CFAP20DC: variants seen among roughly 807,000 people sequenced by gnomAD.
CFAP20DC encodes the protein CFAP20 domain containing, also known as protein CFAP20DC.
CFAP20DC carries 84 observed loss-of-function variants against 101.7 expected under a neutral mutation model. The ratio of observed to expected loss-of-function variants is 0.83; its 90% CI spans 0.69 to 0.99. The LOEUF is 0.99. CFAP20DC is among the 50% of genes least tolerant of loss of function. The pLI is 0.00. For synonymous variants in CFAP20DC, 359 were observed against 351.2 expected (o/e 1.02, Z -0.25); for missense variants, 1,007 against 970.3 (o/e 1.04, Z -0.50).
At chr3:58,948,543 T>C (rs76227620) in intron 4 of CFAP20DC, among the ~76,000 whole-genome samples, 1,556 of 152,300 alleles carry the variant, frequency 0.01, 29 homozygotes, top group African/African-American at 0.035. Flanking sequence ...TGTAGTCCCA[T>C]ATATTCCAGT....
chr3:58,785,771 A>G (rs1048829775), intron 15 of CFAP20DC, among the ~76,000 whole-genome samples: 1 of 152,068 alleles, frequency 6.6e-6, no homozygotes, highest in African/African-American at 2.4e-5. Flanking sequence ...TTTCGAGCCA[A>G]AGGCAATTAA....
chr3:59,040,716 T>C (rs1326023996), intron 3 of CFAP20DC, among the ~76,000 whole-genome samples: 5 of 152,102 alleles, frequency 3.3e-5, no homozygotes, highest in Admixed American at 1.3e-4. Context: ...AAAGAACTTC[T>C]GGTATATGAT....
At chr3:58,857,725 A>G (rs1485925164) in intron 12 of CFAP20DC, among the ~76,000 whole-genome samples, 1 of 152,164 alleles carries the variant, frequency 6.6e-6, no homozygotes, top group Non-Finnish European at 1.5e-5. Flanking sequence ...ACTATATTTG[A>G]GTAGTGTTCT....
chr3:58,807,131 C>A (rs1188524822), intron 14 of CFAP20DC, among the ~76,000 whole-genome samples: 1 of 152,228 alleles, frequency 6.6e-6, no homozygotes, highest in African/African-American at 2.4e-5. Flanking sequence ...GGCTCCACCT[C>A]TGGGGGCGGG....
At chr3:58,760,643 C>T (rs1311985470) in intron 15 of CFAP20DC, among the ~76,000 whole-genome samples, 9 of 152,250 alleles carry the variant, frequency 5.9e-5, no homozygotes, top group Middle Eastern at 6.8e-3. Context: ...CCAGTTTTTG[C>T]CCATTCAGTA....
Position 58,904,427 on chromosome 3 carries a change from G to C in CFAP20DC, c.550+9281C>G, listed in dbSNP as rs536856309. ...CTGCTGGGCACCTCTGTTATACTAA[G>C]ACCATACCCCCTATCTTGTCCTGAG... On this transcript the variant is annotated intron_variant, in intron 6 of 16. Coordinates refer to ENST00000482387, the MANE Select transcript of CFAP20DC (RefSeq NM_001394063.1). 2.0e-5 allele frequency among the ~76,000 whole-genome samples: 3 copies of C among 152,128 alleles called. No homozygotes were observed. The South Asian group carries it at 6.2e-4, about 32-fold the overall frequency.
intron 4 of CFAP20DC, among the ~76,000 whole-genome samples, chr3:58,950,114 T>C (rs1272939669): frequency 6.6e-6 from 1 of 152,140 alleles, no homozygotes; most frequent in African/African-American, 2.4e-5. Context: ...ACAAGCATTC[T>C]TATACACCAA....
intron 14 of CFAP20DC, among the ~76,000 whole-genome samples, chr3:58,830,055 C>A (rs1325720921): frequency 1.3e-5 from 2 of 152,124 alleles, no homozygotes; most frequent in African/African-American, 4.8e-5. Context: ...ACCAGAGTAA[C>A]CAGAAGTCAG....
At chr3:58,744,691 G>A (rs993066255) in intron 16 of CFAP20DC, among the ~76,000 whole-genome samples, 2 of 152,112 alleles carry the variant, frequency 1.3e-5, no homozygotes, top group Non-Finnish European at 2.9e-5. Flanking sequence ...GCATAGGAGT[G>A]AGAAGTTAAG....
rs1176514093 is a variant in CFAP20DC at position 58,964,843 on chromosome 3, G to A, written c.279-27081C>T. On this transcript the variant is annotated intron_variant, in intron 4 of 16. Transcript: ENST00000482387. The surrounding 1 kb of genome is among the most constrained non-coding windows in gnomAD (Gnocchi z 4.1). ...CAGGTATTTCTATTTTCTAAAGATA[G>A]GTTGCTGGATGTAGACTTGCCTGTC... 6.6e-6 allele frequency among the ~76,000 whole-genome samples: 1 copy of A among 152,114 alleles called. No homozygotes were observed. The highest frequency in any genetic ancestry group is 1.5e-5 in the Non-Finnish European group (1 of 68,026).
chr3:58,932,572 C>G (rs1400445807), intron 5 of CFAP20DC, among the ~76,000 whole-genome samples: 3 of 152,158 alleles, frequency 2.0e-5, no homozygotes, highest in Non-Finnish European at 4.4e-5. Flanking sequence ...AACAGCTGTT[C>G]TCTCGGCAGA....
intron 14 of CFAP20DC, among the ~76,000 whole-genome samples, chr3:58,811,223 C>T (rs1209758523): frequency 2.0e-5 from 3 of 152,050 alleles, no homozygotes; most frequent in African/African-American, 7.2e-5. Context: ...TCATACGGAA[C>T]CAAAAAAGAG....
intron 4 of CFAP20DC, among the ~76,000 whole-genome samples, chr3:59,034,294 G>GT (rs2094052752): frequency 5.3e-5 from 8 of 152,060 alleles, no homozygotes; most frequent in Admixed American, 5.2e-4. Flanking sequence ...CAACTAAGGG[G>GT]CAAAATAACC....
At chr3:58,805,822 T>C (rs1393091581) in intron 15 of CFAP20DC, among the ~76,000 whole-genome samples, 1 of 152,234 alleles carries the variant, frequency 6.6e-6, no homozygotes, top group Admixed American at 6.5e-5. Context: ...TAATGAGGTT[T>C]TTCCTTAGTG....
At chr3:58,744,806 G>C (rs539617295) in intron 16 of CFAP20DC, among the ~76,000 whole-genome samples, 11 of 152,244 alleles carry the variant, frequency 7.2e-5, no homozygotes, top group African/African-American at 2.6e-4. Flanking sequence ...CTAAGCATTA[G>C]AGCTGACCAG....
intron 12 of CFAP20DC, among the ~76,000 whole-genome samples, chr3:58,860,908 GAAC>G (rs1477214455): frequency 1.3e-5 from 2 of 151,954 alleles, no homozygotes; most frequent in African/African-American, 4.8e-5. Flanking sequence ...TTTCAAATAA[GAAC>G]AACTTCAAAA....
intron 5 of CFAP20DC, among the ~76,000 whole-genome samples, chr3:58,923,380 C>T (rs186987271): frequency 1.9e-4 from 29 of 152,138 alleles, no homozygotes; most frequent in Non-Finnish European, 3.8e-4. Flanking sequence ...GTTTTGACAA[C>T]TTCCTTTAAT....
chr3:58,790,601 C>T (rs1178595729), intron 15 of CFAP20DC, among the ~76,000 whole-genome samples: 1 of 152,056 alleles, frequency 6.6e-6, no homozygotes, highest in Non-Finnish European at 1.5e-5. Flanking sequence ...TAGCAATAGT[C>T]CAGGAGAAAG....
chr3:58,970,592 A>G (rs1436494028), intron 4 of CFAP20DC: 1 of 152,198 alleles, frequency 6.6e-6, no homozygotes, highest in Non-Finnish European at 1.5e-5. Context: ...GTTTTAAGCT[A>G]TCCAGTTTGT....
Sources: allele counts gnomAD v4.1 joint callset (sites outside exome capture counted in the v4.1 genomes callset), GRCh38; gene constraint gnomAD v4.1.1; non-coding constraint Gnocchi (gnomAD v3.1); transcripts MANE v1.5; gene names NCBI Gene and HGNC (gene_info 2026-07-23, HGNC 2026-07-21).